Variants in PXDNL observed in about 807,000 individuals in gnomAD.
PXDNL encodes probable oxidoreductase PXDNL.
PXDNL carries 145 observed loss-of-function variants against 150.8 expected under a neutral mutation model. The observed-to-expected ratio is 0.96, with a 90% confidence interval of 0.84 to 1.10. PXDNL has a LOEUF of 1.10. Ranked by LOEUF, PXDNL falls within the 50% of genes least tolerant of loss-of-function variation. PXDNL has a pLI of 0.00. For synonymous variants in PXDNL, 757 were observed against 725.7 expected, an observed-to-expected ratio of 1.04 and a Z score of -0.69; for missense variants, 2,087 against 1,873.9, an observed-to-expected ratio of 1.11 and a Z score of -2.10.
chr8:51,342,867 C>A (rs1265100368), intron 20 of PXDNL, among the ~76,000 whole-genome samples: 1 of 127,816 alleles, frequency 7.8e-6, no homozygotes. Flanking sequence ...AGCTGGGATG[C>A]TGATTAAGAT....
At chr8:51,501,947 T>C (rs141943206) in intron 4 of PXDNL, among the ~76,000 whole-genome samples, 33 of 152,336 alleles carry the variant, frequency 2.2e-4, no homozygotes, top group African/African-American at 7.9e-4. Flanking sequence ...AAGTGAAATG[T>C]ATCGCATGGT....
intron 1 of PXDNL, among the ~76,000 whole-genome samples, chr8:51,764,046 T>C (rs1212524861): frequency 6.6e-6 from 1 of 152,216 alleles, no homozygotes; most frequent in Non-Finnish European, 1.5e-5. Context: ...TTTTGGTAGT[T>C]TGTGCCTTTC....
rs541624768 is a variant in PXDNL, at chr8:51,721,341, G to C, written c.165-66581C>G. Among the ~76,000 whole-genome samples, 31 of 152,318 alleles carry C rather than the reference G, an allele frequency of 2.0e-4. 1 individual carries two copies. In the South Asian group the frequency reaches 6.0e-3, roughly 30 times the overall value. On this transcript the variant is annotated intron_variant, in intron 1 of 22. Transcript: ENST00000356297. ...TTCAGCTTAATTAGCTGCAAAGAAT[G>C]AATTGTGTATAAACAAAAACTAAAA...
At chr8:51,511,105 G>T (rs931422946) in intron 4 of PXDNL, among the ~76,000 whole-genome samples, 2 of 152,118 alleles carry the variant, frequency 1.3e-5, no homozygotes, top group Admixed American at 6.5e-5. Context: ...CTTTTACAGG[G>T]GCAGGATGGG....
At chr8:51,484,241 AG>A (rs1291634158) in intron 5 of PXDNL, among the ~76,000 whole-genome samples, 7 of 152,104 alleles carry the variant, frequency 4.6e-5, no homozygotes, top group African/African-American at 1.7e-4. Context: ...GTTCGAGACC[AG>A]CCTGGCCAAC....
chr8:51,499,888 T>C, intron 4 of PXDNL, 118 bp from the exon 5 acceptor site: 1 of 654,270 alleles, frequency 1.5e-6, no homozygotes, highest in Admixed American at 2.5e-5. Flanking sequence ...AACCACTATA[T>C]ATCACATACA....
chr8:51,573,011 T>C (rs991350202), intron 3 of PXDNL, among the ~76,000 whole-genome samples: 2 of 151,808 alleles, frequency 1.3e-5, no homozygotes, highest in African/African-American at 4.8e-5. Flanking sequence ...ATTTCAAACT[T>C]AGAGATGAAC....
chr8:51,361,937 CAAAAAAAAAAAAAAAAAAAAAAA>C (rs57092440), intron 19 of PXDNL, among the ~76,000 whole-genome samples: 4 of 58,052 alleles, frequency 6.9e-5, no homozygotes, highest in Non-Finnish European at 1.2e-4. Context: ...GATTCCATCT[CAAAAAAAAAAAAAAAAAAAAAAA>C]AAAAAGAAAA....
At chr8:51,325,625 C>G (rs1456048502) in intron 21 of PXDNL, among the ~76,000 whole-genome samples, 1 of 152,210 alleles carries the variant, frequency 6.6e-6, no homozygotes, top group Non-Finnish European at 1.5e-5. Context: ...GGAACCTCCA[C>G]TAGGCCTTCT....
At chr8:51,544,030 C>T (rs915243946) in intron 4 of PXDNL, among the ~76,000 whole-genome samples, 1 of 152,140 alleles carries the variant, frequency 6.6e-6, no homozygotes, top group Non-Finnish European at 1.5e-5. Flanking sequence ...TACTCTTGTT[C>T]TGAAAAGTGG....
At chr8:51,473,470 C>A (rs916307734) in intron 7 of PXDNL, among the ~76,000 whole-genome samples, 2 of 151,594 alleles carry the variant, frequency 1.3e-5, no homozygotes, top group Non-Finnish European at 2.9e-5. Flanking sequence ...AAAAGGAGGA[C>A]CATTAAAAGA....
chr8:51,556,139 G>C (rs1812595133), intron 4 of PXDNL, among the ~76,000 whole-genome samples: 3 of 151,962 alleles, frequency 2.0e-5, no homozygotes, highest in Non-Finnish European at 4.4e-5. Flanking sequence ...GGGCATGATG[G>C]GGCATACCTG....
intron 17 of PXDNL, among the ~76,000 whole-genome samples, chr8:51,391,744 T>A (rs368375274): frequency 6.6e-6 from 1 of 152,138 alleles, no homozygotes; most frequent in Non-Finnish European, 1.5e-5. Context: ...TTAGTTTAAT[T>A]AGATCCCATT....
At chr8:51,543,710 C>CAAAAAAAAAAAAAAA (rs572642373) in intron 4 of PXDNL, among the ~76,000 whole-genome samples, 3 of 60,418 alleles carry the variant, frequency 5.0e-5, no homozygotes, top group Admixed American at 2.1e-4. Flanking sequence ...GACTCCATAT[C>CAAAAAAAAAAAAAAA]AAAAAAAAAA....
At chr8:51,759,939 G>A (rs762283463) in intron 1 of PXDNL, among the ~76,000 whole-genome samples, 11 of 152,178 alleles carry the variant, frequency 7.2e-5, no homozygotes, top group Non-Finnish European at 1.3e-4. Context: ...CAAAAGTTCA[G>A]GTGCTGTTTC....
intron 14 of PXDNL, among the ~76,000 whole-genome samples, chr8:51,418,682 C>G (rs1808865779): frequency 6.6e-6 from 1 of 152,088 alleles, no homozygotes; most frequent in Non-Finnish European, 1.5e-5. Flanking sequence ...TACTGATATT[C>G]CTATGAGTTT....
intron 1 of PXDNL, among the ~76,000 whole-genome samples, chr8:51,710,314 T>A (rs1378361017): frequency 6.6e-6 from 1 of 152,220 alleles, no homozygotes; most frequent in Non-Finnish European, 1.5e-5. Flanking sequence ...GAATCTATTT[T>A]AACTGACAAA....
rs1285609936 is a variant in PXDNL at position 51,666,093 on chromosome 8, TC to T, written c.165-11334del. Among the ~76,000 whole-genome samples the T allele has an allele frequency of 4.5e-4, 69 of 152,222 alleles. 2 individuals are homozygous for T. On this transcript the variant is annotated intron_variant, in intron 1 of 22. Transcript: ENST00000356297. ...TTCAACCCACTGCAAGCTAACCTCC[TC>T]CTTTACCACTTCGTTCAAATCATCC... is the stretch of plus-strand genomic sequence containing the variant.
intron 14 of PXDNL, among the ~76,000 whole-genome samples, chr8:51,420,881 G>C (rs939693305): frequency 6.6e-6 from 1 of 152,092 alleles, no homozygotes; most frequent in Non-Finnish European, 1.5e-5. Flanking sequence ...GTAGAGACAG[G>C]GTTTCACTAT....
Sources: gnomAD v4.1 joint callset for allele counts (sites outside exome capture counted in the v4.1 genomes callset) on GRCh38, gnomAD v4.1.1 for gene constraint, MANE v1.5 for transcripts, NCBI Gene and HGNC (gene_info 2026-07-23, HGNC 2026-07-21) for gene names.